Variants in YAP1 observed in about 807,000 individuals in gnomAD.
YAP1 encodes transcriptional coactivator YAP1.
YAP1 carries 5 observed loss-of-function variants against 56.9 expected under a neutral mutation model. The observed-to-expected ratio is 0.09, with a 90% confidence interval of 0.05 to 0.18. The LOEUF (loss-of-function observed/expected upper bound fraction) is 0.18. Ranked by LOEUF, YAP1 falls within the 10% of genes least tolerant of loss-of-function variation. The pLI, the probability that YAP1 is intolerant of heterozygous loss-of-function variation, is 1.00. For missense variants in YAP1, 539 were observed against 651.8 expected (o/e 0.83, Z 1.88); for synonymous variants, 265 against 248.1 (o/e 1.07, Z -0.64).
At position 102,110,886 on chromosome 11, in the gene YAP1, C is replaced by A; in HGVS notation, c.38C>A (p.Pro13His). ...CAGCAGCCGCCGCCTCAACCGGCCC[C>A]CCAGGGCCAAGGGCAGCCGCCTTCG... is the stretch of plus-strand genomic sequence containing the variant. ...PGQQPPPQPA[P>H]QGQGQPPSQP... Residue 13 changes from proline (P) to histidine (H), a missense_variant, in exon 1 of 9, where the codon CCC (proline) becomes CAC (histidine). Transcript: ENST00000282441. 1 of 1,432,324 alleles carries A rather than the reference C, an allele frequency of 7.0e-7. No individual in the cohort carries two copies. The highest frequency in any genetic ancestry group is 9.2e-7 in the Non-Finnish European group (1 of 1,091,676). The allele number at this position is 1,432,324 out of a possible 1,614,324, so 88.7% of individuals were successfully genotyped here.
At chr11:102,169,011 A>C (rs1455794142) in intron 3 of YAP1, among the ~76,000 whole-genome samples, 1 of 152,140 alleles carries the variant, frequency 6.6e-6, no homozygotes, top group Non-Finnish European at 1.5e-5. Context: ...TTCACCTTTG[A>C]AACTGAGAGA....
chr11:102,166,036 C>G (rs1210776165), intron 3 of YAP1, among the ~76,000 whole-genome samples: 1 of 152,216 alleles, frequency 6.6e-6, no homozygotes, highest in East Asian at 1.9e-4. Flanking sequence ...GACGGTCAGA[C>G]AGTATGATGG....
At chr11:102,140,627 G>A (rs536732469) in intron 2 of YAP1, among the ~76,000 whole-genome samples, 4 of 152,136 alleles carry the variant, frequency 2.6e-5, no homozygotes, top group South Asian at 2.1e-4. Flanking sequence ...GACGGATCAC[G>A]AGGTCAGGAG....
intron 2 of YAP1, among the ~76,000 whole-genome samples, chr11:102,122,145 C>T (rs563434593): frequency 5.3e-5 from 8 of 152,208 alleles, no homozygotes; most frequent in African/African-American, 1.2e-4. Flanking sequence ...GGGGGCCTGG[C>T]GCAGTGGCTC....
At chr11:102,115,759 G>A (rs1425109181) in intron 2 of YAP1, among the ~76,000 whole-genome samples, 1 of 152,184 alleles carries the variant, frequency 6.6e-6, no homozygotes, top group Non-Finnish European at 1.5e-5. Context: ...GACATCCAAA[G>A]TAAATGATTG....
At chr11:102,186,629 A>C (rs1352860537) in intron 4 of YAP1, 2 of 152,502 alleles carry the variant, frequency 1.3e-5, no homozygotes, top group Non-Finnish European at 2.9e-5. Flanking sequence ...CAGTGAAAGC[A>C]TTTTGCCCCC....
chr11:102,133,044 G>A (rs760331279), intron 2 of YAP1, among the ~76,000 whole-genome samples: 2 of 152,036 alleles, frequency 1.3e-5, no homozygotes, highest in Non-Finnish European at 2.9e-5. Context: ...TGTAATCCCA[G>A]CTACTCTGGA....
intron 3 of YAP1, among the ~76,000 whole-genome samples, chr11:102,180,554 C>T (rs1322902523): frequency 4.0e-5 from 6 of 151,230 alleles, no homozygotes; most frequent in South Asian, 4.2e-4. Context: ...TGGTGGCGGG[C>T]GCCTGTAGTC....
At chr11:102,133,590 C>A (rs1006417854) in intron 2 of YAP1, among the ~76,000 whole-genome samples, 1 of 152,210 alleles carries the variant, frequency 6.6e-6, no homozygotes, top group Non-Finnish European at 1.5e-5. Context: ...AGCCACCACG[C>A]CTGGCCTAGA....
At chr11:102,165,532 T>A (rs189206630) in intron 3 of YAP1, among the ~76,000 whole-genome samples, 3 of 150,940 alleles carry the variant, frequency 2.0e-5, no homozygotes, top group Admixed American at 2.0e-4. Flanking sequence ...GGGTTAGGAG[T>A]GAGGGGGAGA....
intron 4 of YAP1, among the ~76,000 whole-genome samples, chr11:102,198,051 T>C (rs1266153089): frequency 6.6e-6 from 1 of 152,224 alleles, no homozygotes; most frequent in Non-Finnish European, 1.5e-5. Flanking sequence ...GTGAGTTCTT[T>C]CTATGGAAAC....
intron 2 of YAP1, among the ~76,000 whole-genome samples, chr11:102,147,767 T>G (rs1421435346): frequency 6.6e-6 from 1 of 152,170 alleles, no homozygotes; most frequent in Non-Finnish European, 1.5e-5. Flanking sequence ...ACCAGGTCAT[T>G]AGCTGTCTTT....
chr11:102,128,429 T>C (rs1944170249), intron 2 of YAP1, among the ~76,000 whole-genome samples: 1 of 152,212 alleles, frequency 6.6e-6, no homozygotes, highest in Non-Finnish European at 1.5e-5. Flanking sequence ...GCCACTGCCA[T>C]GTAAGAAGTG....
intron 4 of YAP1, among the ~76,000 whole-genome samples, chr11:102,204,248 G>A (rs1191761809): frequency 2.0e-5 from 3 of 151,264 alleles, no homozygotes; most frequent in Admixed American, 6.6e-5. Context: ...AAAAAAAGGT[G>A]TGCTAATGTA....
At chr11:102,140,160 G>T (rs1944928957) in intron 2 of YAP1, among the ~76,000 whole-genome samples, 1 of 150,190 alleles carries the variant, frequency 6.7e-6, no homozygotes, top group Non-Finnish European at 1.5e-5. Context: ...AAAAAAAATT[G>T]GGTGTTGTTG....
At chr11:102,201,621 A>G (rs1948864890) in intron 4 of YAP1, among the ~76,000 whole-genome samples, 2 of 152,222 alleles carry the variant, frequency 1.3e-5, no homozygotes, top group Non-Finnish European at 2.9e-5. Flanking sequence ...TTTAGTGATC[A>G]TAATGTTATT....
At chr11:102,229,604 C>T (rs753142762) in intron 8 of YAP1, 98 bp from the exon 9 acceptor site, 85 of 1,085,082 alleles carry the variant, frequency 7.8e-5, no homozygotes, top group Middle Eastern at 6.3e-4. Context: ...CAGTCAGGAG[C>T]GCTTTTCTTT....
intron 6 of YAP1, among the ~76,000 whole-genome samples, chr11:102,219,424 A>T (rs1270004290): frequency 6.6e-6 from 1 of 152,172 alleles, no homozygotes; most frequent in Non-Finnish European, 1.5e-5. Context: ...AGATGGGATC[A>T]CCACGGAGAG....
chr11:102,195,569 G>A (rs1022721208), intron 4 of YAP1, among the ~76,000 whole-genome samples: 1 of 151,990 alleles, frequency 6.6e-6, no homozygotes. Context: ...TGAATCATGG[G>A]GGCAATTTCT....
Sources: gnomAD v4.1 joint callset for allele counts (sites outside exome capture counted in the v4.1 genomes callset) on GRCh38, gnomAD v4.1.1 for gene constraint, MANE v1.5 for transcripts, NCBI Gene and HGNC (gene_info 2026-07-23, HGNC 2026-07-21) for gene names.